FHIT: variants seen among roughly 807,000 people sequenced by gnomAD.
FHIT encodes the protein bis(5'-adenosyl)-triphosphatase.
Under a neutral mutation model 17.9 loss-of-function variants are expected in FHIT, and 19 were observed. That is an observed-to-expected ratio of 1.06 (90% CI 0.74 to 1.56). The LOEUF is 1.56. FHIT is among the 40% of genes most tolerant of loss of function. FHIT has a pLI of 0.00. For missense variants in FHIT, 248 were observed against 189.2 expected, an observed-to-expected ratio of 1.31 and a Z score of -1.82; for synonymous variants, 81 against 69.7, an observed-to-expected ratio of 1.16 and a Z score of -0.81.
intron 8 of FHIT, among the ~76,000 whole-genome samples, chr3:59,903,062 A>AT (rs1177596365): frequency 6.6e-6 from 1 of 152,174 alleles, no homozygotes; most frequent in Non-Finnish European, 1.5e-5. Flanking sequence ...GTATATCTTA[A>AT]ATATATATAA....
intron 5 of FHIT, among the ~76,000 whole-genome samples, chr3:60,510,632 G>A (rs201743598): frequency 1.4e-5 from 2 of 141,428 alleles, no homozygotes; most frequent in East Asian, 2.0e-4. Flanking sequence ...TTCCAAGACA[G>A]AGATGTGAGT....
intron 2 of FHIT, among the ~76,000 whole-genome samples, chr3:61,093,903 GGT>G (rs2035559489): frequency 6.6e-6 from 1 of 152,156 alleles, no homozygotes; most frequent in Admixed American, 6.5e-5. Context: ...CCAACAGCCA[GGT>G]TTGAAGTTTG....
intron 5 of FHIT, among the ~76,000 whole-genome samples, chr3:60,032,717 C>T (rs1701054535): frequency 1.3e-5 from 2 of 152,136 alleles, no homozygotes; most frequent in Admixed American, 6.6e-5. Context: ...ACTACAAATG[C>T]TTATATCTGA....
At chr3:59,889,690 A>G (rs1028587369) in intron 8 of FHIT, among the ~76,000 whole-genome samples, 1 of 152,230 alleles carries the variant, frequency 6.6e-6, no homozygotes, top group African/African-American at 2.4e-5. Flanking sequence ...TTGCTAATAA[A>G]TGGTTTCTTT....
intron 5 of FHIT, among the ~76,000 whole-genome samples, chr3:60,167,031 A>T (rs140933921): frequency 4.2e-4 from 64 of 152,256 alleles, no homozygotes; most frequent in African/African-American, 1.5e-3. Context: ...TTTGCATGGG[A>T]ACTCTCCCAC....
intron 1 of FHIT, among the ~76,000 whole-genome samples, chr3:61,214,454 C>T (rs1300862498): frequency 2.0e-5 from 3 of 152,116 alleles, no homozygotes; most frequent in African/African-American, 7.2e-5. Context: ...AAGACTAAAG[C>T]AGGAAGAAGT....
At chr3:60,762,154 G>A (rs1553720157) in intron 4 of FHIT, among the ~76,000 whole-genome samples, 1 of 152,106 alleles carries the variant, frequency 6.6e-6, no homozygotes, top group African/African-American at 2.4e-5. Context: ...TGGTGTGGAT[G>A]ATGCCACCAC....
At chr3:59,914,231 C>A (rs1301714953) in intron 8 of FHIT, among the ~76,000 whole-genome samples, 2 of 151,794 alleles carry the variant, frequency 1.3e-5, no homozygotes, top group Non-Finnish European at 2.9e-5. Flanking sequence ...CTTTGAAATC[C>A]AAACTGGATT....
At chr3:59,850,454 C>T (rs577662808) in intron 8 of FHIT, among the ~76,000 whole-genome samples, 1 of 152,174 alleles carries the variant, frequency 6.6e-6, no homozygotes, top group South Asian at 2.1e-4. Flanking sequence ...TCAGGGTAAC[C>T]CTGAAAAACC....
At chr3:60,501,481 C>T (rs1280536495) in intron 5 of FHIT, among the ~76,000 whole-genome samples, 2 of 152,198 alleles carry the variant, frequency 1.3e-5, no homozygotes, top group South Asian at 4.1e-4. Context: ...CATATTATTT[C>T]TCCAAATCTT....
chr3:60,971,409 T>C (rs1040569876), intron 3 of FHIT, among the ~76,000 whole-genome samples: 1 of 152,218 alleles, frequency 6.6e-6, no homozygotes, highest in Non-Finnish European at 1.5e-5. Context: ...ATGTCTCAAA[T>C]GTGATAACCA....
At chr3:60,502,174 G>C (rs369562397) in intron 5 of FHIT, among the ~76,000 whole-genome samples, 18 of 152,268 alleles carry the variant, frequency 1.2e-4, no homozygotes, top group African/African-American at 3.6e-4. Flanking sequence ...TCTTCTCTCA[G>C]TTAAGACCTA....
At chr3:61,220,747 C>A (rs1252440703) in intron 1 of FHIT, among the ~76,000 whole-genome samples, 1 of 152,144 alleles carries the variant, frequency 6.6e-6, no homozygotes, top group Non-Finnish European at 1.5e-5. Context: ...TTCACTATTA[C>A]TAGGAATGAA....
chr3:60,950,540 G>A (rs1309077051), intron 3 of FHIT, among the ~76,000 whole-genome samples: 1 of 148,508 alleles, frequency 6.7e-6, no homozygotes, highest in East Asian at 2.0e-4. Flanking sequence ...GAGTGGAGAT[G>A]GAGTCTGACT....
At chr3:59,828,017 C>T (rs879601198) in intron 8 of FHIT, among the ~76,000 whole-genome samples, 2 of 152,132 alleles carry the variant, frequency 1.3e-5, no homozygotes, top group African/African-American at 2.4e-5. Context: ...TTTCAAGAGA[C>T]TTATATAAGA....
intron 1 of FHIT, among the ~76,000 whole-genome samples, chr3:61,201,629 C>T (rs977869618): frequency 7.9e-5 from 12 of 151,970 alleles, no homozygotes; most frequent in African/African-American, 1.2e-4. Flanking sequence ...AATGCATTAC[C>T]ACTGATGCAT....
At chr3:60,783,927 G>C (rs1178852346) in intron 4 of FHIT, among the ~76,000 whole-genome samples, 1 of 152,164 alleles carries the variant, frequency 6.6e-6, no homozygotes, top group Admixed American at 6.5e-5. Flanking sequence ...CCAAAGTACA[G>C]TGATTTCCTT....
chr3:60,467,341 T>G (rs2032855198), intron 5 of FHIT, among the ~76,000 whole-genome samples: 1 of 152,034 alleles, frequency 6.6e-6, no homozygotes, highest in East Asian at 1.9e-4. Flanking sequence ...TCAATTTCAT[T>G]TATTTCTGCT....
chr3:60,666,466 A>G (rs2040383715), intron 4 of FHIT, among the ~76,000 whole-genome samples: 2 of 152,138 alleles, frequency 1.3e-5, no homozygotes, highest in Admixed American at 6.5e-5. Context: ...TTGAATTGGT[A>G]TTCCTCTATA....
Sources: gnomAD v4.1 joint callset for allele counts (sites outside exome capture counted in the v4.1 genomes callset) on GRCh38, gnomAD v4.1.1 for gene constraint, MANE v1.5 for transcripts, NCBI Gene and HGNC (gene_info 2026-07-23, HGNC 2026-07-21) for gene names.